GRM7: variants seen among roughly 807,000 people sequenced by gnomAD.
GRM7 encodes glutamate metabotropic receptor 7.
A neutral mutation model predicts 84.5 loss-of-function variants in GRM7; 35 were observed. The observed-to-expected ratio is 0.41, with a 90% confidence interval of 0.32 to 0.55. The LOEUF (loss-of-function observed/expected upper bound fraction) is 0.55. Ranked by LOEUF, GRM7 falls within the 20% of genes least tolerant of loss-of-function variation. The probability of loss-of-function intolerance (pLI) is 0.19; values close to 1 mark genes in which losing one functional copy is unlikely to be tolerated. For synonymous variants in GRM7, 487 were observed against 455.1 expected, an observed-to-expected ratio of 1.07 and a Z score of -0.89; for missense variants, 1,003 against 1,194.6, an observed-to-expected ratio of 0.84 and a Z score of 2.36.
intron 1 of GRM7, among the ~76,000 whole-genome samples, chr3:7,078,725 C>A (rs1161931059): frequency 6.6e-6 from 1 of 152,102 alleles, no homozygotes; most frequent in African/African-American, 2.4e-5. Context: ...AATTGTTTAA[C>A]TTGTAAGGTG....
rs748085978 is a variant in GRM7, at chr3:7,239,828, GC to G, written c.737-58855del. 7.3e-4 allele frequency among the ~76,000 whole-genome samples: 111 copies of G among 152,244 alleles called. 1 individual carries two copies. Among genetic ancestry groups the G allele is most frequent in the Non-Finnish European group, 1.4e-3 (96 of 68,016 alleles). ...CAGCATCAGAGTTTTTTCTATCAAG[GC>G]TTTGATTCTTCACAAGTTAGTTCTG... is the stretch of plus-strand genomic sequence containing the variant. On this transcript the variant is annotated intron_variant, in intron 2 of 9. Coordinates refer to ENST00000357716, the MANE Select transcript of GRM7 (RefSeq NM_000844.4).
chr3:7,398,476 C>A (rs2125153524), intron 4 of GRM7, among the ~76,000 whole-genome samples: 1 of 152,166 alleles, frequency 6.6e-6, no homozygotes, highest in East Asian at 1.9e-4. Context: ...TCTGATAATG[C>A]AATGGGCTAT....
intron 7 of GRM7, among the ~76,000 whole-genome samples, chr3:7,517,196 A>T (rs966849630): frequency 4.6e-5 from 7 of 152,206 alleles, no homozygotes; most frequent in African/African-American, 1.7e-4. Context: ...GGTAAAATTG[A>T]GGTAGATGCA....
chr3:7,652,157 G>T (rs1698972828), intron 8 of GRM7, among the ~76,000 whole-genome samples: 1 of 152,186 alleles, frequency 6.6e-6, no homozygotes, highest in Non-Finnish European at 1.5e-5. Flanking sequence ...ATTTTATCCA[G>T]AATGACTATG....
chr3:7,284,053 C>T (rs1016073194), intron 2 of GRM7, among the ~76,000 whole-genome samples: 2 of 152,130 alleles, frequency 1.3e-5, no homozygotes, highest in African/African-American at 4.8e-5. Flanking sequence ...AAAACATCAT[C>T]AAGAATCTTA....
chr3:7,556,604 G>A (rs2125031485), intron 7 of GRM7, among the ~76,000 whole-genome samples: 1 of 152,300 alleles, frequency 6.6e-6, no homozygotes, highest in Non-Finnish European at 1.5e-5. Flanking sequence ...AACTGATGAG[G>A]ACTCAACTGG....
chr3:6,980,319 G>A (rs559615826), intron 1 of GRM7, among the ~76,000 whole-genome samples: 1 of 152,048 alleles, frequency 6.6e-6, no homozygotes, highest in Non-Finnish European at 1.5e-5. Flanking sequence ...GAAAACTGTT[G>A]ATCTTCTCTC....
At chr3:7,470,997 T>G (rs1215110757) in intron 7 of GRM7, among the ~76,000 whole-genome samples, 1 of 151,584 alleles carries the variant, frequency 6.6e-6, no homozygotes, top group Non-Finnish European at 1.5e-5. Context: ...GAGTCCTGCC[T>G]TTTCTGCTTG....
rs1277235696 is a variant in GRM7, at chr3:7,648,231, A to C, written c.2452-31818A>C. On this transcript the variant is annotated intron_variant, in intron 8 of 9. Coordinates refer to ENST00000357716, the MANE Select transcript of GRM7 (RefSeq NM_000844.4). Reference sequence around the variant, plus strand: ...TTTCTCTTAATATGGCTATTATTTTAATTAGTGCTATAAATAGTTTTTTTT... The same window carrying C: ...TTTCTCTTAATATGGCTATTATTTTCATTAGTGCTATAAATAGTTTTTTTT... Among the ~76,000 whole-genome samples the C allele has an allele frequency of 2.7e-5, 4 of 149,368 alleles. No homozygotes were observed. The East Asian group carries it at 7.8e-4, about 29-fold the overall frequency.
intron 2 of GRM7, among the ~76,000 whole-genome samples, chr3:7,248,534 C>T (rs1042953123): frequency 2.0e-5 from 3 of 152,000 alleles, no homozygotes; most frequent in Non-Finnish European, 4.4e-5. Flanking sequence ...GGTGGTTACA[C>T]ATTTGTCAAA....
At chr3:7,276,805 T>TCCCTTCCTCCC (rs1699086677) in intron 2 of GRM7, among the ~76,000 whole-genome samples, 1 of 1,346 alleles carries the variant, frequency 7.4e-4, no homozygotes, top group African/African-American at 8.7e-4. Context: ...CTTCCTTCCT[T>TCCCTTCCTCCC]TTTGGTGGTG....
rs971877676 is a variant in GRM7 at position 7,161,447 on chromosome 3, T to C, written c.736+14779T>C. Among the ~76,000 whole-genome samples, 4 of 150,298 alleles carry C rather than the reference T, an allele frequency of 2.7e-5. No individual in the cohort carries two copies. In the South Asian group the frequency reaches 6.3e-4, roughly 24 times the overall value. On this transcript the variant is annotated intron_variant, in intron 2 of 9. Coordinates refer to ENST00000357716, the MANE Select transcript of GRM7 (RefSeq NM_000844.4). ...GAAAAAAAAAAAAAAAAGAGAAATG[T>C]GTGGGTCACTTACTCTAATCTAGTT... is the stretch of plus-strand genomic sequence containing the variant.
chr3:7,051,294 T>A (rs1261443908), intron 1 of GRM7, among the ~76,000 whole-genome samples: 9 of 151,700 alleles, frequency 5.9e-5, no homozygotes, highest in African/African-American at 1.9e-4. Flanking sequence ...GAATAATTGG[T>A]TGGTTGAAAA....
chr3:6,863,056 G>C lies in GRM7; in HGVS notation c.519+1149G>C. The C allele has an allele frequency of 2.2e-6, 1 of 454,476 alleles. No individual in the cohort carries two copies. The highest frequency in any genetic ancestry group is 2.4e-5 in the Admixed American group (1 of 42,256). The allele number at this position is 454,476 out of a possible 1,614,324, so 28.2% of individuals were successfully genotyped here. A position where few individuals can be genotyped will look rare whatever the true frequency, so the allele number is the denominator to read the frequency against. On this transcript the variant is annotated intron_variant, in intron 1 of 9. Transcript: ENST00000357716. The surrounding 1 kb of genome is among the most constrained non-coding windows in gnomAD (Gnocchi z 4.8). Reference sequence around the variant, plus strand: ...ATTGAGTTTCAGGGTCTCTGTGATTGTAGGTTCCCTCCTCTGTGTCTTTCC... The same window carrying C: ...ATTGAGTTTCAGGGTCTCTGTGATTCTAGGTTCCCTCCTCTGTGTCTTTCC...
intron 1 of GRM7, among the ~76,000 whole-genome samples, chr3:6,971,824 GT>G (rs1434458934): frequency 2.0e-5 from 3 of 152,120 alleles, no homozygotes. Flanking sequence ...AATAAAAGAA[GT>G]GGCACTTAAC....
intron 2 of GRM7, among the ~76,000 whole-genome samples, chr3:7,270,820 G>A (rs1698826397): frequency 6.6e-6 from 1 of 152,178 alleles, no homozygotes; most frequent in African/African-American, 2.4e-5. Context: ...GGAAGTCGGT[G>A]GTTTAAAAAG....
At chr3:7,019,248 A>G (rs2176257) in intron 1 of GRM7, among the ~76,000 whole-genome samples, 62,932 of 152,024 alleles carry the variant, frequency 0.41, 14,114 homozygotes, top group South Asian at 0.58. Context: ...CCCACTATCA[A>G]CATCTCCCAT....
chr3:7,690,723 A>G (rs1036205716), intron 9 of GRM7, among the ~76,000 whole-genome samples: 22 of 152,366 alleles, frequency 1.4e-4, no homozygotes, highest in Admixed American at 2.6e-4. Flanking sequence ...TCCACTGGAC[A>G]TGGATCCTAA....
chr3:7,043,061 C>A (rs1167236157), intron 1 of GRM7, among the ~76,000 whole-genome samples: 1 of 152,138 alleles, frequency 6.6e-6, no homozygotes, highest in African/African-American at 2.4e-5. Context: ...AGTACTGTCT[C>A]CAATGCTCCA....
Sources: gnomAD v4.1 joint callset for allele counts (sites outside exome capture counted in the v4.1 genomes callset) on GRCh38, gnomAD v4.1.1 for gene constraint, Gnocchi (gnomAD v3.1) non-coding constraint, MANE v1.5 for transcripts, NCBI Gene and HGNC (gene_info 2026-07-23, HGNC 2026-07-21) for gene names.